MAP3K19: variants seen among roughly 807,000 people sequenced by gnomAD.
The protein encoded by MAP3K19 is SPS1/STE20-related protein kinase YSK4.
In MAP3K19, 91 loss-of-function variants were observed where a neutral mutation model predicts 114.4. That is an observed-to-expected ratio of 0.80 (90% CI 0.67 to 0.95). MAP3K19 has a LOEUF of 0.95. MAP3K19 is among the 40% of genes least tolerant of loss of function. MAP3K19 has a pLI of 0.00. For synonymous variants in MAP3K19, 518 were observed against 530.5 expected (o/e 0.98, Z 0.32); for missense variants, 1,471 against 1,573.2 (o/e 0.94, Z 1.10).
At chr2:135,029,942 C>T (rs944705078) in intron 3 of MAP3K19, among the ~76,000 whole-genome samples, 30 of 152,144 alleles carry the variant, frequency 2.0e-4, no homozygotes, top group African/African-American at 7.0e-4. Context: ...AAGATAATAA[C>T]AGCAACTGGT....
chr2:135,037,188 G>T (rs1688549922), intron 2 of MAP3K19, among the ~76,000 whole-genome samples: 1 of 152,114 alleles, frequency 6.6e-6, no homozygotes, highest in Non-Finnish European at 1.5e-5. Context: ...GAAGAGATGG[G>T]GTTTCACCCA....
At chr2:135,044,021 A>G (rs1043686635) in intron 1 of MAP3K19, among the ~76,000 whole-genome samples, 2 of 152,236 alleles carry the variant, frequency 1.3e-5, no homozygotes, top group African/African-American at 4.8e-5. Flanking sequence ...GAAATAGTGA[A>G]TGAATTCCTC....
chr2:135,003,745 G>T (rs1429523324), intron 6 of MAP3K19, among the ~76,000 whole-genome samples: 1 of 152,074 alleles, frequency 6.6e-6, no homozygotes, highest in Admixed American at 6.6e-5. Context: ...GTAGAGACGG[G>T]GTTTCACCAT....
At chr2:135,033,365 G>T (rs1423002559) in intron 2 of MAP3K19, among the ~76,000 whole-genome samples, 1 of 117,026 alleles carries the variant, frequency 8.5e-6, no homozygotes, top group Non-Finnish European at 1.6e-5. Context: ...TGGCCGGGTG[G>T]GGGGCTGACC....
In MAP3K19 at chr2:134,987,260, A is replaced by G. The variant is rs1421159335; in HGVS notation, c.1612T>C (p.Leu538=). The G allele has an allele frequency of 5.6e-6, 9 of 1,613,896 alleles. No homozygotes were observed. Among genetic ancestry groups the G allele is most frequent in the Admixed American group, 1.7e-5 (1 of 59,978 alleles). ...KHKMNSHRSK[L]DSKTKTSKKT... The stretch of plus-strand genomic sequence containing the variant: ...TTACTTGTCTTGGTCTTTGAATCCA[A>G]CTTACTCCTATGGGAATTCATCTTA... The change falls in exon 10 of 13, where the codon TTG becomes CTG. Residue 538 remains leucine (L), a synonymous_variant. Coordinates refer to ENST00000392915, the MANE Select transcript of MAP3K19 (RefSeq NM_025052.5).
intron 1 of MAP3K19, among the ~76,000 whole-genome samples, chr2:135,043,481 GT>G (rs546375422): frequency 6.6e-6 from 1 of 152,140 alleles, no homozygotes; most frequent in Non-Finnish European, 1.5e-5. Context: ...GCAGTTTTAA[GT>G]TTTTTATGCA....
intron 2 of MAP3K19, among the ~76,000 whole-genome samples, chr2:135,036,139 A>AT (rs201528587): frequency 3.3e-5 from 5 of 150,454 alleles, no homozygotes; most frequent in African/African-American, 2.4e-5. Flanking sequence ...CCTGGCCAAG[A>AT]TTTTTTTTTT....
intron 12 of MAP3K19, among the ~76,000 whole-genome samples, chr2:134,980,319 C>A (rs762601665): frequency 1.3e-5 from 2 of 152,188 alleles, no homozygotes; most frequent in Non-Finnish European, 2.9e-5. Context: ...ATTTTACCCA[C>A]AATTTAATTC....
chr2:134,980,572 A>G (rs1684561448), intron 12 of MAP3K19: 1 of 454,018 alleles, frequency 2.2e-6, no homozygotes, highest in Admixed American at 3.5e-5. Context: ...TTGGGCAAGT[A>G]TTGACAGAAC....
At chr2:135,025,377 C>CTTTTT (rs754598942) in intron 3 of MAP3K19, among the ~76,000 whole-genome samples, 743 of 69,494 alleles carry the variant, frequency 0.011, 1 homozygote, top group Non-Finnish European at 0.016. Flanking sequence ...CTTTTCTTTT[C>CTTTTT]TTTTTTTTTT....
At position 135,005,525 on chromosome 2, in the gene MAP3K19, C is replaced by G. The variant is rs570270800; in HGVS notation, c.145G>C (p.Asp49His). 20 of 1,612,712 alleles carry G rather than the reference C, an allele frequency of 1.2e-5. No homozygotes were observed. The highest frequency in any genetic ancestry group is 1.7e-5 in the Non-Finnish European group (20 of 1,178,836). Reference sequence around the variant, plus strand: ...GAATGACTGCAGTCACCATCTTGGTCGAACTCCTGCAATATCATAAAATTC... The same window carrying G: ...GAATGACTGCAGTCACCATCTTGGTGGAACTCCTGCAATATCATAAAATTC... ...LQSISRSEEF[D>H]QDGDCSHSTL... is the part of the protein sequence containing the mutation. Residue 49 changes from aspartate to histidine, a missense_variant, in exon 6 of 13, where the codon GAC becomes CAC. Transcript: ENST00000392915.
rs74610439 is a variant in MAP3K19 at position 135,031,191 on chromosome 2, G to T, written c.-283-691C>A. Among the ~76,000 whole-genome samples, 593 of 151,846 alleles carry T rather than the reference G, an allele frequency of 3.9e-3. 4 individuals are homozygous for T. Among genetic ancestry groups the T allele is most frequent in the African/African-American group, 0.014 (560 of 41,388 alleles). On this transcript the variant is annotated intron_variant, in intron 2 of 12. Coordinates refer to ENST00000392915, the MANE Select transcript of MAP3K19 (RefSeq NM_025052.5). ...AAAAAAAAGGCAATTGCAACATGGG[G>T]TGATAAATGTAACAAGAGAAGTGAA...
rs759649997 is a variant in MAP3K19 at position 134,988,057 on chromosome 2, A to G, written c.815T>C (p.Leu272Ser). 3.1e-6 allele frequency: 5 copies of G among 1,613,784 alleles called. No individual in the cohort carries two copies. The highest frequency in any genetic ancestry group is 3.3e-5 in the Admixed American group (2 of 59,972). Residue 272 changes from leucine (L) to serine (S), a missense_variant, in exon 10 of 13, where the codon TTG becomes TCG. By Grantham distance (145) the Leu-to-Ser change is moderately radical. Transcript: ENST00000392915. ...NEPPGALVKS[L>S]MDPTLRSSDG... ...AGAAGACCTGAGAGTCGGATCCATCAACGACTTAACTAGGGCTCCCGGAGG... is the reference window on the plus strand; with the variant it reads ...AGAAGACCTGAGAGTCGGATCCATCGACGACTTAACTAGGGCTCCCGGAGG...
At chr2:134,991,075 G>T (rs1172714138) in intron 9 of MAP3K19, among the ~76,000 whole-genome samples, 2 of 151,850 alleles carry the variant, frequency 1.3e-5, no homozygotes, top group Non-Finnish European at 2.9e-5. Context: ...GCCGAGGCGG[G>T]CGGATCACGA....
intron 2 of MAP3K19, among the ~76,000 whole-genome samples, chr2:135,039,261 C>A (rs1191548587): frequency 6.6e-6 from 1 of 151,662 alleles, no homozygotes; most frequent in African/African-American, 2.4e-5. Context: ...GGTGACCAGG[C>A]AGGATTGAGG....
intron 6 of MAP3K19, among the ~76,000 whole-genome samples, chr2:135,001,688 G>A (rs1349346748): frequency 3.3e-5 from 5 of 152,180 alleles, no homozygotes; most frequent in African/African-American, 1.2e-4. Flanking sequence ...AAAGCTAAAT[G>A]TATTTAGTTC....
chr2:135,003,031 G>A (rs1005243633), intron 6 of MAP3K19, among the ~76,000 whole-genome samples: 3 of 152,130 alleles, frequency 2.0e-5, no homozygotes, highest in South Asian at 2.1e-4. Flanking sequence ...GTGGGGCCCC[G>A]ATCCAGCTGG....
chr2:134,968,258 T>C (rs1683538660), intron 12 of MAP3K19, among the ~76,000 whole-genome samples: 2 of 152,130 alleles, frequency 1.3e-5, no homozygotes, highest in African/African-American at 4.8e-5. Flanking sequence ...CATGTATACT[T>C]CTTTCTACAC....
At chr2:135,012,011 T>C (rs1687268955) in intron 5 of MAP3K19, among the ~76,000 whole-genome samples, 1 of 152,228 alleles carries the variant, frequency 6.6e-6, no homozygotes, top group Admixed American at 6.5e-5. Context: ...TATGTTTTTG[T>C]TTATCAATAT....
Sources: allele counts gnomAD v4.1 joint callset (sites outside exome capture counted in the v4.1 genomes callset), GRCh38; gene constraint gnomAD v4.1.1; transcripts MANE v1.5; gene names NCBI Gene and HGNC (gene_info 2026-07-23, HGNC 2026-07-21).